EPHA6: variants seen among roughly 807,000 people sequenced by gnomAD.
EPHA6 encodes the protein ephrin type-A receptor 6.
A neutral mutation model predicts 112.0 loss-of-function variants in EPHA6; 50 were observed. That is an observed-to-expected ratio of 0.45 (90% CI 0.36 to 0.56). The LOEUF (loss-of-function observed/expected upper bound fraction) is 0.56. Among genes scored for constraint, EPHA6 ranks in the 20% least tolerant of loss-of-function variants. The pLI, the probability that EPHA6 is intolerant of heterozygous loss-of-function variation, is 0.00. For missense variants in EPHA6, 1,280 were observed against 1,417.4 expected (o/e 0.90, Z 1.56); for synonymous variants, 529 against 490.7 (o/e 1.08, Z -1.03).
At chr3:96,857,415 A>G (rs2035759193) in intron 1 of EPHA6, among the ~76,000 whole-genome samples, 2 of 152,078 alleles carry the variant, frequency 1.3e-5, no homozygotes, top group African/African-American at 4.8e-5. Flanking sequence ...ACATTTGTAA[A>G]TGTTTCATTT....
intron 11 of EPHA6, among the ~76,000 whole-genome samples, chr3:97,564,744 GATTTATT>G (rs1368696671): frequency 1.3e-5 from 2 of 152,072 alleles, no homozygotes; most frequent in Non-Finnish European, 2.9e-5. Flanking sequence ...TACATATGGA[GATTTATT>G]ATTAAACATG....
intron 3 of EPHA6, among the ~76,000 whole-genome samples, chr3:97,155,726 T>G (rs2076273668): frequency 1.3e-5 from 2 of 152,158 alleles, no homozygotes; most frequent in Non-Finnish European, 2.9e-5. Flanking sequence ...CCTGTGAACC[T>G]GCTGGCTGTC....
chr3:97,285,369 C>T (rs549929042), intron 5 of EPHA6, among the ~76,000 whole-genome samples: 15 of 152,142 alleles, frequency 9.9e-5, no homozygotes, highest in Admixed American at 2.0e-4. Flanking sequence ...AGCCTCTCTT[C>T]ATTGCTCTCT....
chr3:97,170,688 G>A (rs2076675061), intron 3 of EPHA6, among the ~76,000 whole-genome samples: 1 of 152,038 alleles, frequency 6.6e-6, no homozygotes, highest in South Asian at 2.1e-4. Context: ...AGTGAGCTGA[G>A]ATCTTACCGC....
In EPHA6 at chr3:96,987,947, G is replaced by A. The variant is rs1390062056; in HGVS notation, c.1068G>A (p.Arg356=). 2.5e-6 allele frequency: 4 copies of A among 1,613,280 alleles called. No individual in the cohort carries two copies. ...ADGDWLVPLG[R]CICSTGYEEI... is the part of the protein sequence containing the mutation. The stretch of plus-strand genomic sequence containing the variant: ...GAGATTGGCTGGTTCCTCTTGGAAG[G>A]TGCATCTGCAGTACAGGATATGAAG... Residue 356 remains arginine (R), a synonymous_variant, in exon 3 of 18, where the codon AGG becomes AGA. Coordinates refer to ENST00000389672, the MANE Select transcript of EPHA6 (RefSeq NM_001080448.3).
intron 16 of EPHA6, among the ~76,000 whole-genome samples, chr3:97,738,854 T>A (rs2035383108): frequency 6.6e-6 from 1 of 152,106 alleles, no homozygotes. Context: ...ATTAATATAC[T>A]TTTGTTTGAG....
At chr3:97,269,174 T>TA (rs1322006651) in intron 5 of EPHA6, among the ~76,000 whole-genome samples, 4 of 152,216 alleles carry the variant, frequency 2.6e-5, no homozygotes, top group African/African-American at 9.6e-5. Context: ...TGTCCAAAGA[T>TA]ATTCACAAGC....
chr3:97,096,045 G>C (rs920284637), intron 3 of EPHA6, among the ~76,000 whole-genome samples: 1 of 151,918 alleles, frequency 6.6e-6, no homozygotes, highest in African/African-American at 2.4e-5. Context: ...AAGACACATA[G>C]GACTGAGGAC....
At position 96,814,841 on chromosome 3, in the gene EPHA6, A is replaced by G. The variant is rs766958079; in HGVS notation, c.218A>G (p.Gln73Arg). 23 of 1,576,364 alleles carry G rather than the reference A, an allele frequency of 1.5e-5. No individual in the cohort carries two copies. The highest frequency in any genetic ancestry group is 1.4e-5 in the African/African-American group (1 of 73,834). Residue 73 changes from glutamine to arginine, a missense_variant, in exon 1 of 18, where the codon CAG becomes CGG. Physicochemically the swap from Gln to Arg is conservative, Grantham distance 43 (BLOSUM62 1). This residue lies in a region of EPHA6 where 220 missense variants were observed against 171.5 expected (regional missense o/e 1.28). Coordinates refer to ENST00000389672, the MANE Select transcript of EPHA6 (RefSeq NM_001080448.3). ...GTGGACAAGGACCCCCATCCTACCC[A>G]GAACACCTGCCTGCGCTGCCGCCAC... ...EDVDKDPHPT[Q>R]NTCLRCRHFS...
At chr3:96,914,049 A>G (rs1221072505) in intron 2 of EPHA6, among the ~76,000 whole-genome samples, 3 of 152,166 alleles carry the variant, frequency 2.0e-5, no homozygotes, top group East Asian at 3.8e-4. Flanking sequence ...TTCTCTTATT[A>G]CAACTTAAAA....
At chr3:96,828,561 G>A (rs1056473213) in intron 1 of EPHA6, among the ~76,000 whole-genome samples, 2 of 152,098 alleles carry the variant, frequency 1.3e-5, no homozygotes, top group African/African-American at 4.8e-5. Flanking sequence ...TGAGTGCTTA[G>A]GAATGGCTTG....
intron 5 of EPHA6, among the ~76,000 whole-genome samples, chr3:97,399,211 C>T (rs1023279018): frequency 6.6e-6 from 1 of 151,554 alleles, no homozygotes; most frequent in Non-Finnish European, 1.5e-5. Flanking sequence ...CTTTCTGTGA[C>T]TTACATATTT....
intron 8 of EPHA6, among the ~76,000 whole-genome samples, chr3:97,479,085 G>A (rs2305892): frequency 0.19 from 28,852 of 151,956 alleles, 4,128 homozygotes; most frequent in African/African-American, 0.38. Flanking sequence ...CCTATCTTTC[G>A]AATCCATCTA....
chr3:97,642,936 GA>G (rs1397212974), intron 14 of EPHA6, among the ~76,000 whole-genome samples: 3 of 148,308 alleles, frequency 2.0e-5, no homozygotes, highest in African/African-American at 7.4e-5. Context: ...AGGAAATACA[GA>G]GAACGCCACA....
rs377123875 is a variant in EPHA6, at chr3:96,975,383, C to T, written c.451-11947C>T. Among the ~76,000 whole-genome samples, 11 of 152,158 alleles carry T rather than the reference C, an allele frequency of 7.2e-5. No individual in the cohort carries two copies. The East Asian group carries it at 1.2e-3, about 16-fold the overall frequency. On this transcript the variant is annotated intron_variant, in intron 2 of 17. Transcript: ENST00000389672. ...CAGCAAGCTTTTTAAGAGGTCTTAA[C>T]GTCATAGAATACGTAAAATAAAGTT...
chr3:97,582,028 T>C (rs1175552918), intron 11 of EPHA6, among the ~76,000 whole-genome samples: 1 of 152,172 alleles, frequency 6.6e-6, no homozygotes, highest in Non-Finnish European at 1.5e-5. Context: ...TTATTTCATT[T>C]TATTTTTTTT....
intron 6 of EPHA6, chr3:97,439,664 C>T: frequency 1.0e-6 from 1 of 993,196 alleles, no homozygotes. Flanking sequence ...TAAGGTTGTT[C>T]AACTTCAGTG....
chr3:97,315,274 T>A (rs1483711040), intron 5 of EPHA6, among the ~76,000 whole-genome samples: 1 of 151,662 alleles, frequency 6.6e-6, no homozygotes, highest in South Asian at 2.1e-4. Context: ...AGTTTAAAAT[T>A]AGGGATCACG....
chr3:97,703,199 T>G (rs2033493546), intron 14 of EPHA6, among the ~76,000 whole-genome samples: 1 of 152,154 alleles, frequency 6.6e-6, no homozygotes, highest in South Asian at 2.1e-4. Flanking sequence ...AATGCAAAAC[T>G]GGGCCAAACG....
Sources: allele counts gnomAD v4.1 joint callset (sites outside exome capture counted in the v4.1 genomes callset), GRCh38; gene constraint gnomAD v4.1.1; regional missense constraint gnomAD v4.1.1; transcripts MANE v1.5; gene names NCBI Gene and HGNC (gene_info 2026-07-23, HGNC 2026-07-21).